Variants in ZNF333 observed in about 807,000 individuals in gnomAD.
The protein encoded by ZNF333 is zinc finger protein 333.
ZNF333 carries 61 observed loss-of-function variants against 76.1 expected under a neutral mutation model. The ratio of observed to expected loss-of-function variants is 0.80; its 90% CI spans 0.65 to 0.99. The LOEUF is 0.99. Among genes scored for constraint, ZNF333 ranks in the 50% least tolerant of loss-of-function variants. The pLI, the probability that ZNF333 is intolerant of heterozygous loss-of-function variation, is 0.00. For missense variants in ZNF333, 717 were observed against 822.4 expected (o/e 0.87, Z 1.57); for synonymous variants, 284 against 305.0 (o/e 0.93, Z 0.72).
At chr19:14,709,698 T>C (rs559648630) in intron 7 of ZNF333, among the ~76,000 whole-genome samples, 1 of 152,074 alleles carries the variant, frequency 6.6e-6, no homozygotes, top group Non-Finnish European at 1.5e-5. Context: ...ACACCAGAGC[T>C]CTCTCGCCCA....
At chr19:14,714,528 C>T (rs2147008001) in intron 7 of ZNF333, among the ~76,000 whole-genome samples, 1 of 152,272 alleles carries the variant, frequency 6.6e-6, no homozygotes, top group South Asian at 2.1e-4. Flanking sequence ...GACTCCTCGT[C>T]TCTAAAACTG....
At chr19:14,701,358 T>A (rs891665244) in intron 5 of ZNF333, among the ~76,000 whole-genome samples, 3 of 152,166 alleles carry the variant, frequency 2.0e-5, no homozygotes, top group African/African-American at 4.8e-5. Context: ...TGCCTCAGCC[T>A]CCTCCCGAGT....
intron 11 of ZNF333, among the ~76,000 whole-genome samples, chr19:14,727,227 A>G (rs1051875044): frequency 6.6e-6 from 1 of 151,904 alleles, no homozygotes; most frequent in Admixed American, 6.6e-5. Flanking sequence ...ACAGGGTTTC[A>G]CCGTGCTAGC....
At chr19:14,704,971 A>G in intron 5 of ZNF333, 83 bp from the exon 6 acceptor site, 1 of 1,371,510 alleles carries the variant, frequency 7.3e-7, no homozygotes, top group Admixed American at 1.9e-5. Context: ...GGCAGCCCTA[A>G]GCCCCAAACC....
exon 12 of ZNF333, chr19:14,732,881 T>A (rs896178324): frequency 6.6e-6 from 1 of 152,230 alleles, no homozygotes; most frequent in Non-Finnish European, 1.5e-5. Context: ...AGTGGTAGAA[T>A]TGAGTTGCTG....
intron 4 of ZNF333, among the ~76,000 whole-genome samples, chr19:14,697,361 T>TTC (rs1555770505): frequency 7.1e-6 from 1 of 140,230 alleles, no homozygotes; most frequent in Non-Finnish European, 1.5e-5. Flanking sequence ...TCTTTTCTTT[T>TTC]TTTTTTTTTT....
At position 14,705,065 on chromosome 19, in the gene ZNF333, G is replaced by C. The variant is rs756420530; in HGVS notation, c.318G>C (p.Leu106=). The change falls in exon 6 of 12, where the codon CTG becomes CTC. Residue 106 remains leucine, a synonymous_variant. Transcript: ENST00000292530. ...TTGTCTTTTGCCAGGGGCCGGGGCTGTTCCTGAGGATGCAGCTGGTGCCCT... is the reference window on the plus strand; with the variant it reads ...TTGTCTTTTGCCAGGGGCCGGGGCTCTTCCTGAGGATGCAGCTGGTGCCCT... ...SSRDMQMGPG[L]FLRMQLVPSI... The C allele has an allele frequency of 1.9e-6, 3 of 1,613,924 alleles. No individual in the cohort carries two copies. Among genetic ancestry groups the C allele is most frequent in the Non-Finnish European group, 2.5e-6 (3 of 1,179,890 alleles).
At chr19:14,718,144 T>G (rs1185608434) in intron 11 of ZNF333, 84 bp from the exon 12 acceptor site, 1 of 1,512,960 alleles carries the variant, frequency 6.6e-7, no homozygotes, top group Non-Finnish European at 8.8e-7. Context: ...TAGAACTGTC[T>G]TTTTCTTACA....
At position 14,718,988 on chromosome 19, in the gene ZNF333, G is replaced by A. The variant is rs775590113; in HGVS notation, c.1661G>A (p.Arg554Gln). The A allele has an allele frequency of 3.1e-6, 5 of 1,614,058 alleles. No homozygotes were observed. The highest frequency in any genetic ancestry group is 3.3e-5 in the Admixed American group (2 of 60,002). ...CTTTCAACCCTGAAGAGTCACATGCGAACTCACACTGGAGAGAAGCCCTAT... is the reference window on the plus strand; with the variant it reads ...CTTTCAACCCTGAAGAGTCACATGCAAACTCACACTGGAGAGAAGCCCTAT... ...SRLSTLKSHM[R>Q]THTGEKPYVC... The change falls in exon 12 of 12, where the codon CGA becomes CAA. Residue 554 changes from arginine (R) to glutamine (Q), a missense_variant. Coordinates refer to ENST00000292530, the MANE Select transcript of ZNF333 (RefSeq NM_032433.4).
downstream of ZNF333, among the ~76,000 whole-genome samples, chr19:14,722,370 C>T (rs1327999091): frequency 3.3e-5 from 5 of 152,224 alleles, no homozygotes; most frequent in Non-Finnish European, 7.3e-5. Context: ...GCTGGAAGAA[C>T]ACACGTTGGG....
At chr19:14,713,118 A>C (rs1209122550) in intron 7 of ZNF333, among the ~76,000 whole-genome samples, 1 of 152,212 alleles carries the variant, frequency 6.6e-6, no homozygotes, top group Non-Finnish European at 1.5e-5. Context: ...AGGGAGACTC[A>C]GAGTGTGGTC....
At chr19:14,696,827 G>A (rs961380725) in intron 4 of ZNF333, among the ~76,000 whole-genome samples, 4 of 143,232 alleles carry the variant, frequency 2.8e-5, no homozygotes, top group East Asian at 2.1e-4. Context: ...CAACCTCTGC[G>A]TCCTGGGTTC....
At chr19:14,693,923 T>G (rs1039617286) in intron 2 of ZNF333, among the ~76,000 whole-genome samples, 2 of 149,078 alleles carry the variant, frequency 1.3e-5, no homozygotes, top group Non-Finnish European at 3.0e-5. Context: ...GAGGCTGCAT[T>G]GAGCTAGGAT....
chr19:14,690,753 C>G (rs767199504), intron 1 of ZNF333, among the ~76,000 whole-genome samples: 7 of 152,162 alleles, frequency 4.6e-5, no homozygotes, highest in Non-Finnish European at 1.0e-4. Flanking sequence ...CTTTGCATCT[C>G]TTCCTTTTCC....
intron 2 of ZNF333, among the ~76,000 whole-genome samples, chr19:14,693,948 C>T (rs1278926641): frequency 6.8e-6 from 1 of 147,512 alleles, no homozygotes; most frequent in Non-Finnish European, 1.5e-5. Context: ...ACCCTGCACT[C>T]CAGCCTAAGC....
intron 5 of ZNF333, among the ~76,000 whole-genome samples, chr19:14,701,407 T>C (rs1253548531): frequency 6.6e-6 from 1 of 152,132 alleles, no homozygotes; most frequent in Non-Finnish European, 1.5e-5. Context: ...ACCTGGCTGA[T>C]TTTAAAAAAT....
At chr19:14,709,616 A>G (rs1346560041) in intron 7 of ZNF333, among the ~76,000 whole-genome samples, 1 of 152,192 alleles carries the variant, frequency 6.6e-6, no homozygotes, top group Non-Finnish European at 1.5e-5. Flanking sequence ...AGGAGGTGAT[A>G]AAGGTTAAAT....
intron 7 of ZNF333, among the ~76,000 whole-genome samples, chr19:14,707,514 A>G (rs2042146000): frequency 6.7e-6 from 1 of 150,250 alleles, no homozygotes; most frequent in Non-Finnish European, 1.5e-5. Flanking sequence ...GTTTTCTTCT[A>G]GTTGGCCTTC....
chr19:14,725,956 G>A (rs1457641351), downstream of ZNF333, among the ~76,000 whole-genome samples: 1 of 152,164 alleles, frequency 6.6e-6, no homozygotes, highest in African/African-American at 2.4e-5. Context: ...TGGGGGTACG[G>A]GGGAATCCAA....
Sources: allele counts gnomAD v4.1 joint callset (sites outside exome capture counted in the v4.1 genomes callset), GRCh38; gene constraint gnomAD v4.1.1; transcripts MANE v1.5; gene names NCBI Gene and HGNC (gene_info 2026-07-23, HGNC 2026-07-21).